The following GRIK4 variants were observed in gnomAD, a reference collection of about 807,000 sequenced individuals.
GRIK4 encodes the protein glutamate ionotropic receptor kainate type subunit 4.
In GRIK4, 40 loss-of-function variants were observed where a neutral mutation model predicts 104.9. The observed-to-expected ratio is 0.38, with a 90% CI of 0.30 to 0.50. The LOEUF is 0.50. Among genes scored for constraint, GRIK4 ranks in the 20% least tolerant of loss-of-function variants. GRIK4 has a pLI of 0.93. For missense variants in GRIK4, 1,047 were observed against 1,308.1 expected, an observed-to-expected ratio of 0.80 and a Z score of 3.08; for synonymous variants, 485 against 524.9, an observed-to-expected ratio of 0.92 and a Z score of 1.04.
chr11:120,807,457 C>T (rs1284811162), intron 4 of GRIK4, among the ~76,000 whole-genome samples: 3 of 152,176 alleles, frequency 2.0e-5, no homozygotes, highest in African/African-American at 2.4e-5. Flanking sequence ...AAACTAGAGG[C>T]GCCCTGGTTA....
At chr11:120,911,703 G>C (rs1213451293) in intron 13 of GRIK4, among the ~76,000 whole-genome samples, 2 of 150,638 alleles carry the variant, frequency 1.3e-5, no homozygotes, top group African/African-American at 4.9e-5. Flanking sequence ...TTAGCCAGGC[G>C]TGGTGGTGCA....
rs150338532 is a variant in GRIK4, at chr11:120,742,200, G to T, written c.83-60493G>T. Among the ~76,000 whole-genome samples, 222 of 152,152 alleles carry T rather than the reference G, an allele frequency of 1.5e-3. 2 individuals are homozygous for T. Among genetic ancestry groups the T allele is most frequent in the African/African-American group, 5.1e-3 (210 of 41,522 alleles). On this transcript the variant is annotated intron_variant, in intron 3 of 20. Transcript: ENST00000527524. Reference sequence around the variant, plus strand: ...GTCTCTACTAAAAATACAAAAGTTAGCCGGGCATGTTGGTGTGTGCCTTTA... The same window carrying T: ...GTCTCTACTAAAAATACAAAAGTTATCCGGGCATGTTGGTGTGTGCCTTTA...
At chr11:120,601,975 A>G (rs1264979017) in intron 1 of GRIK4, among the ~76,000 whole-genome samples, 1 of 152,076 alleles carries the variant, frequency 6.6e-6, no homozygotes, top group Non-Finnish European at 1.5e-5. Context: ...CCTGACTCCT[A>G]CAGGTCTGGA....
intron 1 of GRIK4, among the ~76,000 whole-genome samples, chr11:120,582,580 C>T (rs747739773): frequency 2.0e-5 from 3 of 152,144 alleles, no homozygotes; most frequent in Admixed American, 6.5e-5. Context: ...AGTGTGTTAG[C>T]ACCCACTTAT....
chr11:120,521,887 G>A (rs1410459023), intron 1 of GRIK4, among the ~76,000 whole-genome samples: 1 of 152,146 alleles, frequency 6.6e-6, no homozygotes, highest in East Asian at 1.9e-4. Context: ...GCCGCCTTCT[G>A]CTCTTCTTCC....
intron 11 of GRIK4, among the ~76,000 whole-genome samples, chr11:120,896,548 A>G (rs1479644780): frequency 6.6e-6 from 1 of 152,136 alleles, no homozygotes; most frequent in Non-Finnish European, 1.5e-5. Context: ...AGAGACCATA[A>G]GGCTCCTGCC....
At chr11:120,591,612 C>A (rs116184081) in intron 1 of GRIK4, among the ~76,000 whole-genome samples, 1 of 152,168 alleles carries the variant, frequency 6.6e-6, no homozygotes, top group African/African-American at 2.4e-5. Context: ...CTTCCCTCTT[C>A]CCTCCACCAC....
At chr11:120,873,974 C>T in intron 9 of GRIK4, 92 bp from the exon 10 acceptor site, 1 of 1,164,532 alleles carries the variant, frequency 8.6e-7, no homozygotes, top group Non-Finnish European at 1.2e-6. Flanking sequence ...TTTCTCTTTT[C>T]TTCCTCCATT....
intron 19 of GRIK4, among the ~76,000 whole-genome samples, chr11:120,977,778 C>T (rs1319598409): frequency 6.6e-6 from 1 of 152,204 alleles, no homozygotes; most frequent in Non-Finnish European, 1.5e-5. Context: ...CTCAACTCCC[C>T]TCAAAGCTTT....
chr11:120,586,960 C>T (rs1182394012), intron 1 of GRIK4, among the ~76,000 whole-genome samples: 1 of 152,158 alleles, frequency 6.6e-6, no homozygotes, highest in Admixed American at 6.5e-5. Context: ...CAGACCCTGT[C>T]AGGAATACAG....
intron 13 of GRIK4, among the ~76,000 whole-genome samples, chr11:120,938,948 G>A (rs1452099554): frequency 1.3e-5 from 2 of 152,158 alleles, no homozygotes; most frequent in Non-Finnish European, 2.9e-5. Flanking sequence ...TGATTCTGAG[G>A]TAGGTGGCCC....
At chr11:120,913,984 A>C (rs572473235) in intron 13 of GRIK4, among the ~76,000 whole-genome samples, 2 of 152,350 alleles carry the variant, frequency 1.3e-5, no homozygotes, top group Non-Finnish European at 2.9e-5. Flanking sequence ...ATACTGATCC[A>C]GGGGCCAAAG....
rs1320602238 is a variant in GRIK4 at position 120,878,321 on chromosome 11, C to T, written c.1164+3078C>T. ...TAAAACTGGATGTATTCCAGGAATC[C>T]GCATAATTTTAACCAGCTCCGAGAT... On this transcript the variant is annotated intron_variant, in intron 11 of 20. Transcript: ENST00000527524. Among the ~76,000 whole-genome samples the T allele has an allele frequency of 3.3e-5, 5 of 152,242 alleles. No homozygotes were observed. The South Asian group carries it at 6.2e-4, about 19-fold the overall frequency.
intron 13 of GRIK4, among the ~76,000 whole-genome samples, chr11:120,906,665 G>A (rs1162787483): frequency 6.6e-6 from 1 of 152,208 alleles, no homozygotes; most frequent in Non-Finnish European, 1.5e-5. Flanking sequence ...TACTATTTGA[G>A]GTATTAAATA....
chr11:120,826,237 T>G (rs1232205425), intron 6 of GRIK4, among the ~76,000 whole-genome samples: 1 of 152,210 alleles, frequency 6.6e-6, no homozygotes, highest in Non-Finnish European at 1.5e-5. Context: ...TCCTGCTACC[T>G]TCTCTCCCAG....
chr11:120,952,934 C>A lies in GRIK4; in HGVS notation c.1670C>A (p.Ala557Asp), dbSNP rs1944039892. ...VWLFMLLAYLAVSCVLFLVAR... is the reference protein window; with the variant it reads ...VWLFMLLAYLDVSCVLFLVAR... ...CTCTTCATGCTTCTAGCCTATCTGGCCGTCAGCTGTGTCCTCTTCCTGGTG... is the reference window on the plus strand; with the variant it reads ...CTCTTCATGCTTCTAGCCTATCTGGACGTCAGCTGTGTCCTCTTCCTGGTG... Residue 557 changes from alanine (A) to aspartate (D), a missense_variant, in exon 15 of 21, where the codon GCC becomes GAC. By Grantham distance (126) the Ala-to-Asp change is moderately radical. Around this residue, in one of 3 missense-constraint regions of GRIK4, gnomAD observed 440 missense variants for 652.3 expected, o/e 0.67. Transcript: ENST00000527524. The surrounding 1 kb of genome is among the most constrained non-coding windows in gnomAD (Gnocchi z 5.2). The A allele has an allele frequency of 6.2e-7, 1 of 1,613,372 alleles. No individual in the cohort carries two copies. The highest frequency in any genetic ancestry group is 8.5e-7 in the Non-Finnish European group (1 of 1,179,502).
chr11:120,864,180 A>G (rs1228580515), intron 9 of GRIK4, among the ~76,000 whole-genome samples: 1 of 152,012 alleles, frequency 6.6e-6, no homozygotes, highest in Non-Finnish European at 1.5e-5. Context: ...TGCTGTTCTT[A>G]CAGTTCTCAT....
intron 3 of GRIK4, among the ~76,000 whole-genome samples, chr11:120,692,846 C>T (rs1209079574): frequency 6.6e-6 from 1 of 152,138 alleles, no homozygotes; most frequent in Non-Finnish European, 1.5e-5. Flanking sequence ...ATTCTCCTGC[C>T]TCGGCCTCCT....
chr11:120,680,116 C>T (rs554486285), intron 3 of GRIK4, among the ~76,000 whole-genome samples: 4 of 152,284 alleles, frequency 2.6e-5, no homozygotes, highest in East Asian at 1.9e-4. Context: ...CTCACTCTGT[C>T]ACCCAGGCTG....
Sources: allele counts gnomAD v4.1 joint callset (sites outside exome capture counted in the v4.1 genomes callset), GRCh38; gene constraint gnomAD v4.1.1; regional missense constraint gnomAD v4.1.1; non-coding constraint Gnocchi (gnomAD v3.1); transcripts MANE v1.5; gene names NCBI Gene and HGNC (gene_info 2026-07-23, HGNC 2026-07-21).